Variants in SLC38A1 observed in about 807,000 individuals in gnomAD.
SLC38A1 encodes solute carrier family 38 member 1, also known as sodium-coupled neutral amino acid symporter 1.
A neutral mutation model predicts 60.3 loss-of-function variants in SLC38A1; 18 were observed. The observed-to-expected ratio is 0.30, with a 90% confidence interval of 0.21 to 0.44. The LOEUF is 0.44. Among genes scored for constraint, SLC38A1 ranks in the 20% least tolerant of loss-of-function variants. The pLI is 1.00. For synonymous variants in SLC38A1, 196 were observed against 212.1 expected (o/e 0.92, Z 0.66); for missense variants, 448 against 587.2 (o/e 0.76, Z 2.45).
chr12:46,183,069 T>G lies in SLC38A1; in HGVS notation c.*5901A>C, dbSNP rs937879527. On this transcript the variant is annotated 3_prime_UTR_variant, in exon 17 of 17. Coordinates refer to ENST00000398637, the MANE Select transcript of SLC38A1 (RefSeq NM_030674.4). ...CAAACACAACATTTTTAAATACTTT[T>G]AGTTCACATTTTTTAATGTTTAAAA... 1 of 152,706 alleles carries G rather than the reference T, an allele frequency of 6.5e-6. No individual in the cohort carries two copies. The highest frequency in any genetic ancestry group is 2.4e-5 in the African/African-American group (1 of 41,570). The allele number at this position is 152,706 out of a possible 1,614,324, so 9.5% of individuals were successfully genotyped here. A position where few individuals can be genotyped will look rare whatever the true frequency, so the allele number is the denominator to read the frequency against.
At chr12:46,206,191 A>C in intron 8 of SLC38A1, 29 bp from the exon 9 acceptor site, 1 of 1,440,752 alleles carries the variant, frequency 6.9e-7, no homozygotes, top group Admixed American at 1.9e-5. Flanking sequence ...ATTAGGTTAT[A>C]TTTTTTTAGA....
chr12:46,230,631 C>T (rs1326344336), intron 3 of SLC38A1, among the ~76,000 whole-genome samples: 1 of 152,134 alleles, frequency 6.6e-6, no homozygotes, highest in East Asian at 1.9e-4. Flanking sequence ...ACAATTCAGC[C>T]AGGCTAAATG....
At chr12:46,263,138 C>T (rs887100946) in intron 1 of SLC38A1, among the ~76,000 whole-genome samples, 1 of 152,212 alleles carries the variant, frequency 6.6e-6, no homozygotes, top group African/African-American at 2.4e-5. Context: ...ACACACACAA[C>T]AGTCTCTGAC....
intron 1 of SLC38A1, among the ~76,000 whole-genome samples, chr12:46,246,528 C>A (rs1371674232): frequency 6.6e-6 from 1 of 152,238 alleles, no homozygotes; most frequent in Non-Finnish European, 1.5e-5. Flanking sequence ...GTGGAGCCCA[C>A]CACAGCGGAG....
At chr12:46,237,308 T>C (rs754981436) in intron 3 of SLC38A1, among the ~76,000 whole-genome samples, 17 of 152,194 alleles carry the variant, frequency 1.1e-4, no homozygotes, top group Non-Finnish European at 2.5e-4. Flanking sequence ...GCAGGAATCA[T>C]GGACTACTAA....
intron 1 of SLC38A1, among the ~76,000 whole-genome samples, chr12:46,253,746 T>C (rs1275078000): frequency 3.3e-5 from 5 of 152,080 alleles, no homozygotes; most frequent in African/African-American, 1.2e-4. Context: ...CTGGTTCACA[T>C]GCCTCTGACA....
At chr12:46,206,236 T>C (rs1474013859) in intron 8 of SLC38A1, 74 bp from the exon 9 acceptor site, 4 of 738,980 alleles carry the variant, frequency 5.4e-6, no homozygotes, top group East Asian at 5.4e-5. Flanking sequence ...TAAAATTTCA[T>C]GATATCATGA....
At chr12:46,201,330 TG>T in intron 12 of SLC38A1, 132 bp from the exon 13 acceptor site, 1 of 696,206 alleles carries the variant, frequency 1.4e-6, no homozygotes, top group South Asian at 1.9e-5. Context: ...AAATTACCCC[TG>T]GCAGTTATGC....
intron 16 of SLC38A1, among the ~76,000 whole-genome samples, chr12:46,189,372 T>C (rs1939048954): frequency 6.6e-6 from 1 of 152,200 alleles, no homozygotes. Context: ...GGTATCCTTA[T>C]GGCTTCTCTC....
intron 5 of SLC38A1, among the ~76,000 whole-genome samples, chr12:46,220,091 T>C (rs1167307815): frequency 6.6e-6 from 1 of 152,204 alleles, no homozygotes; most frequent in Non-Finnish European, 1.5e-5. Context: ...GTGGGACTCA[T>C]CTCCTACACA....
At chr12:46,249,343 G>A (rs1941750756) in intron 1 of SLC38A1, among the ~76,000 whole-genome samples, 1 of 152,086 alleles carries the variant, frequency 6.6e-6, no homozygotes. Context: ...CCAGTGTGTA[G>A]AGGGAAATTT....
At chr12:46,198,468 C>T (rs1939488259) in intron 14 of SLC38A1, among the ~76,000 whole-genome samples, 157 bp downstream of exon 14, 1 of 152,160 alleles carries the variant, frequency 6.6e-6, no homozygotes, top group Non-Finnish European at 1.5e-5. Context: ...ACTTGCTTTT[C>T]AAAGAGCCTG....
Position 46,189,087 on chromosome 12 carries a change from G to T in SLC38A1, c.1363-16C>A, listed in dbSNP as rs1400890531. 1 of 1,610,232 alleles carries T rather than the reference G, an allele frequency of 6.2e-7. No individual in the cohort carries two copies. The highest frequency in any genetic ancestry group is 1.1e-5 in the South Asian group (1 of 90,940). Reference sequence around the variant, plus strand: ...AAAGGGCAGCCTGGAGCAAGAGAAAGGCAAGGGTTATTTTCAGTGCAGCAA... The same window carrying T: ...AAAGGGCAGCCTGGAGCAAGAGAAATGCAAGGGTTATTTTCAGTGCAGCAA... On this transcript the variant is annotated splice_polypyrimidine_tract_variant and intron_variant, in intron 16 of 16. Transcript: ENST00000398637.
Position 46,187,998 on chromosome 12 carries a change from A to G in SLC38A1, c.*972T>C, listed in dbSNP as rs1180767834. On this transcript the variant is annotated 3_prime_UTR_variant, in exon 17 of 17. Coordinates refer to ENST00000398637, the MANE Select transcript of SLC38A1 (RefSeq NM_030674.4). ...TTAGGTACACATGATTCTCTGTGCA[A>G]CTAGCTGGTGGACATGAATAAAAGC... is the stretch of plus-strand genomic sequence containing the variant. The G allele has an allele frequency of 6.6e-6, 1 of 152,172 alleles. No homozygotes were observed. The highest frequency in any genetic ancestry group is 1.5e-5 in the Non-Finnish European group (1 of 68,022). 9.4% of individuals were successfully genotyped at this position (152,172 alleles called of 1,614,324 possible).
intron 1 of SLC38A1, among the ~76,000 whole-genome samples, chr12:46,265,040 C>A (rs1393220515): frequency 6.6e-6 from 1 of 152,218 alleles, no homozygotes; most frequent in African/African-American, 2.4e-5. Flanking sequence ...TACTGATCAA[C>A]TTTCTCTCCC....
In SLC38A1 at chr12:46,187,320, T is replaced by C. The variant is rs924471691; in HGVS notation, c.*1650A>G. 3 of 152,256 alleles carry C rather than the reference T, an allele frequency of 2.0e-5. No individual in the cohort carries two copies. The highest frequency in any genetic ancestry group is 4.4e-5 in the Non-Finnish European group (3 of 68,052). The allele number at this position is 152,256 out of a possible 1,614,324, so 9.4% of individuals were successfully genotyped here. ...AGTCTGCGGTTAGATTCTACTTGTC[T>C]CTGGATAAGAAATCTGTGCTCAGTG... On this transcript the variant is annotated 3_prime_UTR_variant, in exon 17 of 17. Coordinates refer to ENST00000398637, the MANE Select transcript of SLC38A1 (RefSeq NM_030674.4).
At chr12:46,246,036 G>A (rs1379377546) in intron 1 of SLC38A1, among the ~76,000 whole-genome samples, 10 of 152,114 alleles carry the variant, frequency 6.6e-5, no homozygotes, top group East Asian at 1.9e-4. Context: ...GTCACGGTCC[G>A]TTCAAAGAGG....
chr12:46,235,451 A>C lies in SLC38A1; in HGVS notation c.122+4228T>G, dbSNP rs987813997. ...AACAAAGATATTGGAAAACATGAAAAGGGAGAATTGAAGAAACAGGAATCT... is the reference window on the plus strand; with the variant it reads ...AACAAAGATATTGGAAAACATGAAACGGGAGAATTGAAGAAACAGGAATCT... On this transcript the variant is annotated intron_variant, in intron 3 of 16. Coordinates refer to ENST00000398637, the MANE Select transcript of SLC38A1 (RefSeq NM_030674.4). 3.0e-4 allele frequency among the ~76,000 whole-genome samples: 46 copies of C among 152,216 alleles called. 1 individual carries two copies. The highest frequency in any genetic ancestry group is 1.1e-3 in the African/African-American group (46 of 41,460).
chr12:46,220,933 G>A (rs1036943863), intron 5 of SLC38A1, among the ~76,000 whole-genome samples: 1 of 152,138 alleles, frequency 6.6e-6, no homozygotes, highest in African/African-American at 2.4e-5. Context: ...CAAGGACTTA[G>A]GGCAACGTGC....
Sources: allele counts gnomAD v4.1 joint callset (sites outside exome capture counted in the v4.1 genomes callset), GRCh38; gene constraint gnomAD v4.1.1; transcripts MANE v1.5; gene names NCBI Gene and HGNC (gene_info 2026-07-23, HGNC 2026-07-21).